PTPRR: variants seen among roughly 807,000 people sequenced by gnomAD.
PTPRR encodes the protein protein tyrosine phosphatase receptor type R, also known as receptor-type tyrosine-protein phosphatase R.
A neutral mutation model predicts 77.2 loss-of-function variants in PTPRR; 38 were observed. The ratio of observed to expected loss-of-function variants is 0.49; its 90% CI spans 0.38 to 0.65. The LOEUF is 0.65. PTPRR is among the 30% of genes least tolerant of loss of function. The pLI is 0.00. For synonymous variants in PTPRR, 299 were observed against 283.1 expected (o/e 1.06, Z -0.57); for missense variants, 744 against 799.2 (o/e 0.93, Z 0.83).
chr12:70,659,810 C>A (rs1886728719), intron 12 of PTPRR, among the ~76,000 whole-genome samples: 1 of 152,010 alleles, frequency 6.6e-6, no homozygotes, highest in South Asian at 2.1e-4. Context: ...TTAAATATAT[C>A]ATCAAAAGCT....
intron 2 of PTPRR, among the ~76,000 whole-genome samples, chr12:70,804,858 A>G (rs926701857): frequency 6.6e-6 from 1 of 152,194 alleles, no homozygotes; most frequent in Non-Finnish European, 1.5e-5. Flanking sequence ...TTTCAAGATG[A>G]TCATTGCTAC....
intron 6 of PTPRR, among the ~76,000 whole-genome samples, chr12:70,744,076 T>C (rs1002076962): frequency 1.3e-5 from 2 of 152,156 alleles, no homozygotes; most frequent in Non-Finnish European, 2.9e-5. Flanking sequence ...AGGTCTGTGC[T>C]TCAAAGTTCC....
intron 2 of PTPRR, chr12:70,788,862 G>A (rs1440195185): frequency 6.6e-7 from 1 of 1,522,288 alleles, no homozygotes; most frequent in Admixed American, 2.1e-5. Flanking sequence ...ACTTCCATTT[G>A]CACTCTTCTT....
intron 1 of PTPRR, among the ~76,000 whole-genome samples, chr12:70,900,479 A>C (rs951220082): frequency 6.6e-6 from 1 of 151,512 alleles, no homozygotes; most frequent in Non-Finnish European, 1.5e-5. Flanking sequence ...ATTTTTTTTA[A>C]ATATGACCCC....
chr12:70,672,187 C>T, intron 10 of PTPRR: 2 of 1,554,778 alleles, frequency 1.3e-6, no homozygotes, highest in Non-Finnish European at 1.8e-6. Flanking sequence ...AGTTGCCAGT[C>T]CTACCATGGT....
chr12:70,917,264 G>A (rs1197201849), intron 1 of PTPRR, among the ~76,000 whole-genome samples: 3 of 152,116 alleles, frequency 2.0e-5, no homozygotes, highest in Non-Finnish European at 4.4e-5. Flanking sequence ...AAAGAATAAG[G>A]ACAGTTAGGT....
At chr12:70,870,733 G>A (rs75544697) in intron 2 of PTPRR, among the ~76,000 whole-genome samples, 2,164 of 152,328 alleles carry the variant, frequency 0.014, 57 homozygotes, top group African/African-American at 0.049. Context: ...GCTTGTTAAA[G>A]AAGAGTTCAA....
chr12:70,785,433 A>T, intron 2 of PTPRR, among the ~76,000 whole-genome samples: 1 of 152,168 alleles, frequency 6.6e-6, no homozygotes, highest in East Asian at 1.9e-4. Context: ...TCATGTGCAG[A>T]GACCTAAAAT....
chr12:70,771,217 C>T (rs540989287), intron 2 of PTPRR, among the ~76,000 whole-genome samples: 13 of 151,312 alleles, frequency 8.6e-5, no homozygotes, highest in South Asian at 2.1e-4. Flanking sequence ...GAACATTATG[C>T]AGCCATAAAA....
intron 1 of PTPRR, among the ~76,000 whole-genome samples, chr12:70,899,591 C>T (rs7966753): frequency 0.17 from 25,825 of 151,280 alleles, 2,305 homozygotes; most frequent in Non-Finnish European, 0.19. Context: ...AAGGTACCTA[C>T]ACCAAACCCC....
intron 10 of PTPRR, chr12:70,672,821 A>C (rs1887286130): frequency 6.4e-7 from 1 of 1,564,110 alleles, no homozygotes; most frequent in Non-Finnish European, 8.7e-7. Flanking sequence ...GTCCAGTGTG[A>C]AATTGAAGAA....
At chr12:70,682,552 G>A (rs1001190116) in intron 10 of PTPRR, among the ~76,000 whole-genome samples, 2 of 151,306 alleles carry the variant, frequency 1.3e-5, no homozygotes, top group East Asian at 1.9e-4. Context: ...GCTCTTCTTT[G>A]CATGCTGTTT....
chr12:70,680,523 A>G (rs1271103373), intron 10 of PTPRR, among the ~76,000 whole-genome samples: 3 of 152,158 alleles, frequency 2.0e-5, no homozygotes, highest in African/African-American at 4.8e-5. Flanking sequence ...TAACCTCTGA[A>G]GGCCTTGGTG....
At chr12:70,891,563 T>G (rs1893335890) in intron 2 of PTPRR, among the ~76,000 whole-genome samples, 1 of 152,120 alleles carries the variant, frequency 6.6e-6, no homozygotes. Flanking sequence ...TGTTCTTAGC[T>G]TATGATTTTT....
intron 2 of PTPRR, among the ~76,000 whole-genome samples, chr12:70,864,700 A>G (rs893625828): frequency 3.9e-5 from 6 of 152,148 alleles, no homozygotes; most frequent in African/African-American, 1.4e-4. Context: ...AGCTCCCATA[A>G]TTACCATGTG....
At position 70,768,961 on chromosome 12, in the gene PTPRR, C is replaced by A. The variant is rs552182341; in HGVS notation, c.358-4183G>T. ...AAAGCCTTTGACAAAATTCAACAAC[C>A]CTTCATGCTAAAAACTCTCAATGAA... On this transcript the variant is annotated intron_variant, in intron 2 of 13. Transcript: ENST00000283228. Among the ~76,000 whole-genome samples the A allele has an allele frequency of 1.8e-3, 269 of 151,036 alleles. 1 individual carries two copies. Among genetic ancestry groups the A allele is most frequent in the South Asian group, 4.0e-3 (19 of 4,768 alleles).
Position 70,639,106 on chromosome 12 carries a change from A to G in PTPRR, c.*78T>C. ...GCTTCTCCTTCCTTCCATTGCAGGA[A>G]GCTCCTTCTAGAAGCCTTGGGTGGG... On this transcript the variant is annotated 3_prime_UTR_variant, in exon 14 of 14. Transcript: ENST00000283228. 8.1e-7 allele frequency: 1 copy of G among 1,228,154 alleles called. No homozygotes were observed. The highest frequency in any genetic ancestry group is 1.2e-6 in the Non-Finnish European group (1 of 853,356). The allele number at this position is 1,228,154 out of a possible 1,614,324, so 76.1% of individuals were successfully genotyped here. A position where few individuals can be genotyped will look rare whatever the true frequency, so the allele number is the denominator to read the frequency against.
chr12:70,867,548 A>C (rs549466032), intron 2 of PTPRR, among the ~76,000 whole-genome samples: 4,329 of 151,926 alleles, frequency 0.028, 96 homozygotes, highest in Non-Finnish European at 0.045. Flanking sequence ...GATACAAACA[A>C]ATGGAAGAAC....
chr12:70,864,004 T>G (rs1592800460), intron 2 of PTPRR, among the ~76,000 whole-genome samples: 1 of 152,174 alleles, frequency 6.6e-6, no homozygotes, highest in East Asian at 1.9e-4. Context: ...ATAGCCTCGC[T>G]GAGATAAGGC....
Sources: allele counts gnomAD v4.1 joint callset (sites outside exome capture counted in the v4.1 genomes callset), GRCh38; gene constraint gnomAD v4.1.1; transcripts MANE v1.5; gene names NCBI Gene and HGNC (gene_info 2026-07-23, HGNC 2026-07-21).